The following CHODL variants were observed in gnomAD, a reference collection of about 807,000 sequenced individuals.
The protein encoded by CHODL is transmembrane protein MT75.
CHODL carries 29 observed loss-of-function variants against 34.5 expected under a neutral mutation model. The ratio of observed to expected loss-of-function variants is 0.84; its 90% CI spans 0.63 to 1.15. The LOEUF (loss-of-function observed/expected upper bound fraction) is 1.15, where lower values mean the gene tolerates loss of function less well. CHODL is among the 50% of genes most tolerant of loss of function. The pLI, the probability that CHODL is intolerant of heterozygous loss-of-function variation, is 0.00. For synonymous variants in CHODL, 125 were observed against 116.1 expected, an observed-to-expected ratio of 1.08 and a Z score of -0.49; for missense variants, 332 against 332.5, an observed-to-expected ratio of 1.00 and a Z score of 0.01.
At chr21:18,154,160 A>G (rs2073004637) in intron 2 of CHODL, among the ~76,000 whole-genome samples, 1 of 152,260 alleles carries the variant, frequency 6.6e-6, no homozygotes, top group Admixed American at 6.5e-5. Context: ...GGTATAGGAA[A>G]TATGTATGTA....
chr21:18,033,611 GT>G (rs966967935), intron 2 of CHODL, among the ~76,000 whole-genome samples: 3 of 151,968 alleles, frequency 2.0e-5, no homozygotes, highest in Non-Finnish European at 2.9e-5. Flanking sequence ...GAACTTAATA[GT>G]TTACACCCAG....
intron 2 of CHODL, among the ~76,000 whole-genome samples, chr21:18,237,563 C>CCT (rs2074039916): frequency 6.6e-6 from 1 of 152,118 alleles, no homozygotes; most frequent in African/African-American, 2.4e-5. Flanking sequence ...GAATATCCTT[C>CCT]CTGTGTTGGT....
intron 2 of CHODL, among the ~76,000 whole-genome samples, chr21:18,036,107 G>A (rs1489544620): frequency 6.6e-6 from 1 of 151,940 alleles, no homozygotes; most frequent in African/African-American, 2.4e-5. Flanking sequence ...TTAGAGTCTT[G>A]CTTTTGAGCT....
chr21:18,077,252 AT>A (rs2064877660), intron 2 of CHODL, among the ~76,000 whole-genome samples: 1 of 152,192 alleles, frequency 6.6e-6, no homozygotes, highest in Admixed American at 6.5e-5. Flanking sequence ...TTTCTTGGAA[AT>A]GTATAACTTC....
At chr21:17,960,074 T>A (rs1600834182) in intron 1 of CHODL, among the ~76,000 whole-genome samples, 1 of 152,156 alleles carries the variant, frequency 6.6e-6, no homozygotes, top group East Asian at 1.9e-4. Flanking sequence ...CGTAGCTGGG[T>A]ATAATGTATG....
chr21:17,955,757 TA>T (rs1270174027), intron 1 of CHODL, among the ~76,000 whole-genome samples: 1 of 137,036 alleles, frequency 7.3e-6, no homozygotes, highest in East Asian at 2.2e-4. Context: ...TAGACTTTTA[TA>T]AAAACCTGAA....
chr21:18,075,053 A>G (rs2064848388), intron 2 of CHODL, among the ~76,000 whole-genome samples: 1 of 152,228 alleles, frequency 6.6e-6, no homozygotes, highest in South Asian at 2.1e-4. Flanking sequence ...TTGAGTTTGA[A>G]AAATTAAGAT....
chr21:18,155,565 G>T (rs900136396), intron 2 of CHODL, among the ~76,000 whole-genome samples: 7 of 152,216 alleles, frequency 4.6e-5, no homozygotes, highest in African/African-American at 1.7e-4. Context: ...CTTCCAAGAA[G>T]AATGTGAATT....
chr21:18,074,339 A>G (rs2064839930), intron 2 of CHODL, among the ~76,000 whole-genome samples: 1 of 152,192 alleles, frequency 6.6e-6, no homozygotes, highest in South Asian at 2.1e-4. Context: ...ACTTTAAGCA[A>G]TAGTCTTGGA....
At chr21:18,083,914 A>T (rs908046766) in intron 2 of CHODL, among the ~76,000 whole-genome samples, 2 of 152,160 alleles carry the variant, frequency 1.3e-5, no homozygotes, top group African/African-American at 4.8e-5. Context: ...ATGAGTTAAG[A>T]CTTTGGGAGA....
rs111363150 is a variant in CHODL, at chr21:18,061,539, A to C, written c.-45+33568A>C. Among the ~76,000 whole-genome samples, 929 of 132,224 alleles carry C rather than the reference A, an allele frequency of 7.0e-3. 10 individuals carry two copies. Among genetic ancestry groups the C allele is most frequent in the Middle Eastern group, 0.035 (9 of 254 alleles). 86.7% of individuals were successfully genotyped at this position (132,224 alleles called of 152,430 possible). ...CAATTTCAGTACTGTATCCTTTACA[A>C]ATAATGTCTCAAAGACAATCAAACT... On this transcript the variant is annotated intron_variant, in intron 2 of 6. Transcript: ENST00000400127.
chr21:18,224,504 AT>A (rs2146744840), intron 2 of CHODL, among the ~76,000 whole-genome samples: 1 of 152,232 alleles, frequency 6.6e-6, no homozygotes, highest in African/African-American at 2.4e-5. Flanking sequence ...TATTATTGTT[AT>A]TTTTGCACAG....
intron 2 of CHODL, among the ~76,000 whole-genome samples, chr21:18,160,477 C>T (rs560789651): frequency 4.5e-4 from 69 of 152,014 alleles, no homozygotes; most frequent in Non-Finnish European, 6.5e-4. Flanking sequence ...TTTTCCTTCT[C>T]CTCCTCCTCC....
intron 2 of CHODL, among the ~76,000 whole-genome samples, chr21:18,105,801 C>T (rs918476380): frequency 5.9e-5 from 9 of 152,196 alleles, no homozygotes; most frequent in African/African-American, 2.2e-4. Flanking sequence ...CCTGCTCACC[C>T]ATTCCCAAGT....
At position 18,266,375 on chromosome 21, in the gene CHODL, A is replaced by C. The variant is rs1370959099; in HGVS notation, c.*337A>C. On this transcript the variant is annotated 3_prime_UTR_variant, in exon 6 of 6. Transcript: ENST00000299295. ...ATTCCTTTTATTTCTTTCACCTTTC[A>C]TAAGTTGTTATCTAGTCAATGTAAT... 4.0e-6 allele frequency: 2 copies of C among 498,086 alleles called. No individual in the cohort carries two copies. The highest frequency in any genetic ancestry group is 3.9e-5 in the African/African-American group (2 of 51,580). 30.9% of individuals were successfully genotyped at this position (498,086 alleles called of 1,614,324 possible).
intron 1 of CHODL, among the ~76,000 whole-genome samples, chr21:17,927,146 A>G (rs575934063): frequency 1.3e-4 from 8 of 62,204 alleles, no homozygotes; most frequent in Non-Finnish European, 2.8e-4. Flanking sequence ...ATATATGTAT[A>G]TATGTATATA....
intron 1 of CHODL, among the ~76,000 whole-genome samples, chr21:17,993,577 A>T (rs1011655750): frequency 9.2e-5 from 14 of 152,338 alleles, no homozygotes; most frequent in Middle Eastern, 3.4e-3. Context: ...ATAATATTCC[A>T]TGGCAAATAT....
At chr21:18,067,124 G>A (rs761385648) in intron 2 of CHODL, among the ~76,000 whole-genome samples, 18 of 152,128 alleles carry the variant, frequency 1.2e-4, no homozygotes, top group African/African-American at 3.4e-4. Context: ...GCAGGCATTC[G>A]CCTCAGCACA....
At chr21:17,981,961 T>C (rs1220747436) in intron 1 of CHODL, among the ~76,000 whole-genome samples, 1 of 152,256 alleles carries the variant, frequency 6.6e-6, no homozygotes, top group Non-Finnish European at 1.5e-5. Flanking sequence ...TATTTATTTG[T>C]AGGCCCCCAC....
Sources: allele counts gnomAD v4.1 joint callset (sites outside exome capture counted in the v4.1 genomes callset), GRCh38; gene constraint gnomAD v4.1.1; transcripts MANE v1.5; gene names NCBI Gene and HGNC (gene_info 2026-07-23, HGNC 2026-07-21).